MYO1B: variants seen among roughly 807,000 people sequenced by gnomAD.
MYO1B encodes myosin IB.
A neutral mutation model predicts 159.7 loss-of-function variants in MYO1B; 72 were observed. The ratio of observed to expected loss-of-function variants is 0.45; its 90% CI spans 0.37 to 0.55. The LOEUF (loss-of-function observed/expected upper bound fraction) is 0.55, where lower values mean the gene tolerates loss of function less well. MYO1B is among the 20% of genes least tolerant of loss of function. MYO1B has a pLI of 0.00. For synonymous variants in MYO1B, 468 were observed against 473.8 expected (o/e 0.99, Z 0.16); for missense variants, 1,062 against 1,364.8 (o/e 0.78, Z 3.50).
intron 3 of MYO1B, among the ~76,000 whole-genome samples, chr2:191,312,740 G>A (rs1392434746): frequency 1.3e-5 from 2 of 152,188 alleles, no homozygotes; most frequent in East Asian, 1.9e-4. Context: ...TTTTTAAAAA[G>A]TGATGAATAC....
At chr2:191,317,589 T>C (rs1306941245) in intron 3 of MYO1B, among the ~76,000 whole-genome samples, 1 of 152,210 alleles carries the variant, frequency 6.6e-6, no homozygotes, top group East Asian at 1.9e-4. Context: ...TAACTTGTCA[T>C]TTAGCGTTAG....
chr2:191,416,099 T>C lies in MYO1B; in HGVS notation c.3160-16T>C. The C allele has an allele frequency of 6.2e-7, 1 of 1,608,996 alleles. No individual in the cohort carries two copies. On this transcript the variant is annotated splice_polypyrimidine_tract_variant and intron_variant, in intron 29 of 30. Coordinates refer to ENST00000392318, the MANE Select transcript of MYO1B (RefSeq NM_001130158.3). ...GGTATCTTTAATTATGACCGACTCT[T>C]GGTTTGTCCTTGCAGGGCTCAGAAG...
At chr2:191,316,308 C>T (rs1174329167) in intron 3 of MYO1B, among the ~76,000 whole-genome samples, 1 of 152,100 alleles carries the variant, frequency 6.6e-6, no homozygotes, top group Non-Finnish European at 1.5e-5. Context: ...ATAGATGGCC[C>T]CTCATCTCTA....
At chr2:191,272,851 T>G (rs546735749) in intron 1 of MYO1B, among the ~76,000 whole-genome samples, 87 of 152,356 alleles carry the variant, frequency 5.7e-4, no homozygotes, top group Admixed American at 2.2e-3. Flanking sequence ...CAGCAGGTCC[T>G]CATGCCTGTG....
Position 191,363,811 on chromosome 2 carries a change from C to T in MYO1B, c.849C>T (p.Asn283=), listed in dbSNP as rs749845222. The change falls in exon 10 of 31, where the codon AAC becomes AAT. Residue 283 remains asparagine (N), a synonymous_variant. Coordinates refer to ENST00000392318, the MANE Select transcript of MYO1B (RefSeq NM_001130158.3). ...TGGCAGCAGTGTTGAAACTGGGGAA[C>T]ATTGAGTTCAAGCCCGAATCTCGAG... ...AVVAAVLKLG[N]IEFKPESRVN... is the part of the protein sequence containing the mutation. The T allele has an allele frequency of 1.2e-6, 2 of 1,613,466 alleles. No individual in the cohort carries two copies. The highest frequency in any genetic ancestry group is 2.2e-5 in the South Asian group (2 of 91,048).
chr2:191,404,228 C>T (rs1428470912), intron 24 of MYO1B, among the ~76,000 whole-genome samples: 1 of 152,102 alleles, frequency 6.6e-6, no homozygotes, highest in Non-Finnish European at 1.5e-5. Flanking sequence ...TTTTAAGACT[C>T]CCAGTTCCCC....
At chr2:191,260,930 C>G (rs1242619102) in intron 1 of MYO1B, among the ~76,000 whole-genome samples, 1 of 152,170 alleles carries the variant, frequency 6.6e-6, no homozygotes, top group Non-Finnish European at 1.5e-5. Context: ...GAAAAGCCAA[C>G]CAGATTTTTA....
At chr2:191,286,837 G>A (rs555104402) in intron 2 of MYO1B, among the ~76,000 whole-genome samples, 264 of 152,246 alleles carry the variant, frequency 1.7e-3, no homozygotes, top group South Asian at 4.1e-3. Flanking sequence ...GGAGGCTGAG[G>A]TGGGAGGATG....
chr2:191,311,042 CT>C (rs1689972105), intron 3 of MYO1B, among the ~76,000 whole-genome samples: 1 of 152,150 alleles, frequency 6.6e-6, no homozygotes, highest in African/African-American at 2.4e-5. Context: ...TTTATTAACT[CT>C]TACGAAACCC....
intron 1 of MYO1B, among the ~76,000 whole-genome samples, chr2:191,254,500 G>A (rs1024448962): frequency 6.6e-6 from 1 of 151,452 alleles, no homozygotes; most frequent in African/African-American, 2.4e-5. Flanking sequence ...GTGAGCCACC[G>A]CGCCCGGCCT....
At chr2:191,396,672 T>A (rs541954549) in intron 21 of MYO1B, among the ~76,000 whole-genome samples, 175 bp downstream of exon 21, 1 of 152,186 alleles carries the variant, frequency 6.6e-6, no homozygotes, top group African/African-American at 2.4e-5. Flanking sequence ...GGTGACCATG[T>A]CTTGGCCACT....
intron 2 of MYO1B, among the ~76,000 whole-genome samples, chr2:191,292,901 A>G (rs1323165577): frequency 6.6e-6 from 1 of 152,116 alleles, no homozygotes; most frequent in Admixed American, 6.6e-5. Flanking sequence ...AGCATTGTAT[A>G]TTTTCTGCTA....
intron 24 of MYO1B, 93 bp from the exon 25 acceptor site, chr2:191,408,022 G>A (rs1322128945): frequency 2.6e-6 from 2 of 764,264 alleles, no homozygotes; most frequent in Non-Finnish European, 2.2e-6. Flanking sequence ...AAACTGACTT[G>A]TTTGACATTT....
chr2:191,400,780 A>C lies in MYO1B; in HGVS notation c.2414A>C (p.Glu805Ala), dbSNP rs372180229. The stretch of plus-strand genomic sequence containing the variant: ...AGGGAACTGAGACGGCTGAAGGAGG[A>C]GGCTAGGAATAAACATGCTATTGCA... ...ARRELRRLKE[E>A]ARNKHAIAVI... The change falls in exon 23 of 31, where the codon GAG becomes GCG. Residue 805 changes from glutamate to alanine, a missense_variant. By Grantham distance (107) the Glu-to-Ala change is moderately radical (BLOSUM62 -1). Around this residue, in one of 5 missense-constraint regions of MYO1B, gnomAD observed 609 missense variants for 744.4 expected, o/e 0.82. Coordinates refer to ENST00000392318, the MANE Select transcript of MYO1B (RefSeq NM_001130158.3). 1.4e-5 allele frequency: 23 copies of C among 1,613,890 alleles called. No individual in the cohort carries two copies. The highest frequency in any genetic ancestry group is 2.7e-5 in the African/African-American group (2 of 74,922).
chr2:191,246,717 A>G (rs998948557), intron 1 of MYO1B, among the ~76,000 whole-genome samples: 3 of 152,194 alleles, frequency 2.0e-5, no homozygotes, highest in African/African-American at 7.2e-5. Flanking sequence ...GTTTTATAGT[A>G]TAATATAGTA....
intron 2 of MYO1B, among the ~76,000 whole-genome samples, chr2:191,293,578 T>G (rs1379057940): frequency 6.6e-6 from 1 of 152,206 alleles, no homozygotes; most frequent in Non-Finnish European, 1.5e-5. Flanking sequence ...TTTCAGATCA[T>G]ATAGGGTACC....
At chr2:191,416,459 A>G in intron 30 of MYO1B, 2 of 542,442 alleles carry the variant, frequency 3.7e-6, no homozygotes, top group East Asian at 3.2e-5. Context: ...TACAAATAAA[A>G]TGATGAAATA....
chr2:191,282,955 G>A (rs768243428), intron 2 of MYO1B, among the ~76,000 whole-genome samples: 2 of 152,218 alleles, frequency 1.3e-5, no homozygotes, highest in Non-Finnish European at 2.9e-5. Flanking sequence ...AGAACAAATT[G>A]TGTGTGCCTT....
chr2:191,344,638 G>A (rs551320287), intron 5 of MYO1B, among the ~76,000 whole-genome samples: 18 of 151,732 alleles, frequency 1.2e-4, no homozygotes, highest in Admixed American at 1.1e-3. Flanking sequence ...AGACCATCCC[G>A]GCTAAAACGG....
Sources: gnomAD v4.1 joint callset for allele counts (sites outside exome capture counted in the v4.1 genomes callset) on GRCh38, gnomAD v4.1.1 for gene constraint, gnomAD v4.1.1 regional missense constraint, MANE v1.5 for transcripts, NCBI Gene and HGNC (gene_info 2026-07-23, HGNC 2026-07-21) for gene names.